Variants in RASGEF1C observed in about 807,000 individuals in gnomAD.
RASGEF1C encodes RasGEF domain family member 1C, also known as ras-GEF domain-containing family member 1C.
Under a neutral mutation model 58.1 loss-of-function variants are expected in RASGEF1C, and 27 were observed. The observed-to-expected ratio is 0.46, with a 90% CI of 0.34 to 0.64. The LOEUF is 0.64. Ranked by LOEUF, RASGEF1C falls within the 30% of genes least tolerant of loss-of-function variation. RASGEF1C has a pLI of 0.01. For synonymous variants in RASGEF1C, 243 were observed against 246.3 expected (o/e 0.99, Z 0.13); for missense variants, 502 against 605.1 (o/e 0.83, Z 1.79).
intron 1 of RASGEF1C, among the ~76,000 whole-genome samples, chr5:180,204,524 T>C (rs1374792425): frequency 6.6e-6 from 1 of 152,198 alleles, no homozygotes; most frequent in Non-Finnish European, 1.5e-5. Flanking sequence ...AGGAGAAATA[T>C]CAGATCATTA....
intron 1 of RASGEF1C, among the ~76,000 whole-genome samples, chr5:180,171,114 C>T (rs1276934109): frequency 6.6e-6 from 1 of 152,192 alleles, no homozygotes; most frequent in African/African-American, 2.4e-5. Context: ...ATCCTGTGGC[C>T]TTCCCCCAGC....
intron 11 of RASGEF1C, among the ~76,000 whole-genome samples, chr5:180,113,821 A>G (rs946097648): frequency 1.6e-4 from 23 of 141,978 alleles, no homozygotes; most frequent in South Asian, 1.4e-3. Flanking sequence ...GGAGGGACCG[A>G]GGATGGATGG....
chr5:180,195,654 C>A (rs372951273), intron 1 of RASGEF1C, among the ~76,000 whole-genome samples: 1 of 151,630 alleles, frequency 6.6e-6, no homozygotes, highest in Non-Finnish European at 1.5e-5. Flanking sequence ...CCCAGCTACT[C>A]GGGAGGCTGA....
Position 180,177,649 on chromosome 5 carries a change from C to T in RASGEF1C, c.-7+31379G>A, listed in dbSNP as rs888256455. Among the ~76,000 whole-genome samples, 2 of 152,224 alleles carry T rather than the reference C, an allele frequency of 1.3e-5. No individual in the cohort carries two copies. The highest frequency in any genetic ancestry group is 6.5e-5 in the Admixed American group (1 of 15,278). On this transcript the variant is annotated intron_variant, in intron 1 of 13. Transcript: ENST00000361132. The surrounding 1 kb of genome is among the most constrained non-coding windows in gnomAD (Gnocchi z 5.0). ...CTGGTGCCACTTGGGGAAGGAGTTG[C>T]GTTGGTCTGTGACAGTTGGGATGGC...
intron 1 of RASGEF1C, among the ~76,000 whole-genome samples, chr5:180,180,178 C>T (rs1767301626): frequency 6.6e-6 from 1 of 152,202 alleles, no homozygotes; most frequent in South Asian, 2.1e-4. Flanking sequence ...CCTCTCTCTC[C>T]AGCCACTCTC....
intron 6 of RASGEF1C, among the ~76,000 whole-genome samples, chr5:180,121,375 G>A (rs571571302): frequency 1.1e-3 from 174 of 151,458 alleles, no homozygotes; most frequent in African/African-American, 4.0e-3. Context: ...GTGCGGTGGC[G>A]CGATCTCGGC....
intron 1 of RASGEF1C, among the ~76,000 whole-genome samples, chr5:180,159,648 G>A (rs1179263130): frequency 2.6e-5 from 4 of 152,322 alleles, no homozygotes; most frequent in Non-Finnish European, 5.9e-5. Flanking sequence ...TCGCAGTGGG[G>A]AGATCTAGGT....
chr5:180,152,507 G>A lies in RASGEF1C; in HGVS notation c.-6-14449C>T, dbSNP rs569539927. 7.1e-3 allele frequency among the ~76,000 whole-genome samples: 970 copies of A among 136,908 alleles called. 6 individuals carry two copies. Among genetic ancestry groups the A allele is most frequent in the Non-Finnish European group, 0.011 (718 of 65,988 alleles). The allele number at this position is 136,908 out of a possible 152,430, so 89.8% of individuals were successfully genotyped here. On this transcript the variant is annotated intron_variant, in intron 1 of 13. Coordinates refer to ENST00000361132, the MANE Select transcript of RASGEF1C (RefSeq NM_175062.4). ...ATGTTCTCACTCATAGGTGGGAATT[G>A]AACAATGAGAACACATGGACACAGG...
At chr5:180,134,030 G>A (rs1384241648) in intron 4 of RASGEF1C, among the ~76,000 whole-genome samples, 1 of 152,178 alleles carries the variant, frequency 6.6e-6, no homozygotes, top group Non-Finnish European at 1.5e-5. Flanking sequence ...CGCAGCTGTG[G>A]TTTCCCAGTC....
chr5:180,146,442 A>G (rs1221609097), intron 1 of RASGEF1C, among the ~76,000 whole-genome samples: 4 of 151,924 alleles, frequency 2.6e-5, no homozygotes, highest in African/African-American at 9.7e-5. Context: ...TTGGCCAGCT[A>G]TGTGTTTTTC....
At chr5:180,188,277 G>A (rs1756076368) in intron 1 of RASGEF1C, among the ~76,000 whole-genome samples, 1 of 152,222 alleles carries the variant, frequency 6.6e-6, no homozygotes, top group African/African-American at 2.4e-5. Flanking sequence ...ATCCAGAATA[G>A]GTACATACAC....
intron 1 of RASGEF1C, among the ~76,000 whole-genome samples, chr5:180,207,646 C>T (rs1302817834): frequency 6.6e-6 from 1 of 152,168 alleles, no homozygotes; most frequent in African/African-American, 2.4e-5. Flanking sequence ...CCTCCCTCTC[C>T]TGCCCCGGCA....
intron 1 of RASGEF1C, among the ~76,000 whole-genome samples, chr5:180,145,791 C>T (rs1315287857): frequency 6.6e-6 from 1 of 152,238 alleles, no homozygotes; most frequent in Non-Finnish European, 1.5e-5. Context: ...CCCCACAGAA[C>T]TGGAGCTCAC....
intron 1 of RASGEF1C, among the ~76,000 whole-genome samples, chr5:180,144,356 C>T (rs760553005): frequency 9.2e-5 from 14 of 152,184 alleles, no homozygotes; most frequent in African/African-American, 7.2e-5. Context: ...GGTGGGTCCA[C>T]GGCCCCAAAT....
chr5:180,131,130 G>A (rs752246850), intron 4 of RASGEF1C, among the ~76,000 whole-genome samples: 17 of 152,052 alleles, frequency 1.1e-4, no homozygotes, highest in African/African-American at 2.4e-4. Context: ...ATGCATCCAC[G>A]CCGGTTTCTC....
At position 180,178,546 on chromosome 5, in the gene RASGEF1C, C is replaced by T. The variant is rs562817137; in HGVS notation, c.-7+30482G>A. On this transcript the variant is annotated intron_variant, in intron 1 of 13. Coordinates refer to ENST00000361132, the MANE Select transcript of RASGEF1C (RefSeq NM_175062.4). Reference sequence around the variant, plus strand: ...CTGCCCGCCTCAGCCCCCCAAAGTGCTGGGATTACAGGTGTGAGCCACCGT... The same window carrying T: ...CTGCCCGCCTCAGCCCCCCAAAGTGTTGGGATTACAGGTGTGAGCCACCGT... 3.9e-5 allele frequency among the ~76,000 whole-genome samples: 6 copies of T among 152,250 alleles called. No homozygotes were observed. The South Asian group carries it at 1.2e-3, about 32-fold the overall frequency.
intron 12 of RASGEF1C, among the ~76,000 whole-genome samples, chr5:180,106,981 T>A (rs894937600): frequency 6.6e-6 from 1 of 152,244 alleles, no homozygotes. Context: ...GATTGCTATA[T>A]CTTGGGGGAC....
chr5:180,189,948 A>AG (rs1756116374), intron 1 of RASGEF1C, among the ~76,000 whole-genome samples: 2 of 144,836 alleles, frequency 1.4e-5, no homozygotes, highest in Non-Finnish European at 3.0e-5. Context: ...AAAAAAAAAA[A>AG]GGAAAGACAG....
chr5:180,193,686 G>A (rs1376478288), intron 1 of RASGEF1C, among the ~76,000 whole-genome samples: 15 of 152,260 alleles, frequency 9.9e-5, no homozygotes, highest in African/African-American at 2.2e-4. Flanking sequence ...AATGCAGCAC[G>A]TGGGACGTGG....
Sources: gnomAD v4.1 joint callset for allele counts (sites outside exome capture counted in the v4.1 genomes callset) on GRCh38, gnomAD v4.1.1 for gene constraint, Gnocchi (gnomAD v3.1) non-coding constraint, MANE v1.5 for transcripts, NCBI Gene and HGNC (gene_info 2026-07-23, HGNC 2026-07-21) for gene names.